Variants in UGT1A6 observed in about 807,000 individuals in gnomAD.
UGT1A6 encodes UDP-glucuronosyltransferase 1A6.
In UGT1A6, 32 loss-of-function variants were observed where a neutral mutation model predicts 44.4. That is an observed-to-expected ratio of 0.72 (90% confidence interval 0.54 to 0.97). The LOEUF is 0.97. UGT1A6 is among the 50% of genes least tolerant of loss of function. The pLI, the probability that UGT1A6 is intolerant of heterozygous loss-of-function variation, is 0.00. For synonymous variants in UGT1A6, 238 were observed against 248.5 expected (o/e 0.96, Z 0.40); for missense variants, 685 against 661.9 (o/e 1.03, Z -0.38).
chr2:233,741,097 A>C (rs1691564364), intron 1 of UGT1A6, among the ~76,000 whole-genome samples: 1 of 151,840 alleles, frequency 6.6e-6, no homozygotes, highest in South Asian at 2.1e-4. Flanking sequence ...ACAAGCAAAC[A>C]GACAATCAAG....
intron 1 of UGT1A6, among the ~76,000 whole-genome samples, chr2:233,695,609 A>G (rs1437584077): frequency 6.6e-6 from 1 of 151,892 alleles, no homozygotes; most frequent in Admixed American, 6.6e-5. Flanking sequence ...GTAATTACCA[A>G]TGAACTCTCT....
At chr2:233,719,356 A>T (rs751560022) in intron 1 of UGT1A6, 4 of 1,613,848 alleles carry the variant, frequency 2.5e-6, no homozygotes, top group Non-Finnish European at 3.4e-6. Context: ...ATTCCATGTG[A>T]CTTAGACTTT....
intron 1 of UGT1A6, chr2:233,722,133 T>G (rs1336404223): frequency 5.8e-6 from 1 of 172,564 alleles, no homozygotes; most frequent in Non-Finnish European, 1.2e-5. Flanking sequence ...TAGTAGAGTT[T>G]AAGACTCCTG....
chr2:233,764,530 T>C (rs572226432), intron 1 of UGT1A6, among the ~76,000 whole-genome samples: 7 of 152,338 alleles, frequency 4.6e-5, no homozygotes, highest in African/African-American at 1.7e-4. Flanking sequence ...ATCCTGCTGA[T>C]TGCTGAGTGG....
chr2:233,737,936 A>G (rs912128099), intron 1 of UGT1A6, among the ~76,000 whole-genome samples: 7 of 152,174 alleles, frequency 4.6e-5, no homozygotes, highest in Non-Finnish European at 8.8e-5. Flanking sequence ...TAGTGAGTCC[A>G]TTGACTGTTT....
intron 1 of UGT1A6, among the ~76,000 whole-genome samples, chr2:233,746,336 A>G (rs1235397882): frequency 1.3e-5 from 2 of 151,736 alleles, no homozygotes; most frequent in Non-Finnish European, 2.9e-5. Context: ...AGGGCAATGG[A>G]CATGTTTATG....
At chr2:233,750,201 G>A (rs967986418) in intron 1 of UGT1A6, among the ~76,000 whole-genome samples, 17 of 151,984 alleles carry the variant, frequency 1.1e-4, no homozygotes, top group African/African-American at 3.6e-4. Flanking sequence ...ATGAAGTCCA[G>A]GCTGAGTCTC....
intron 1 of UGT1A6, chr2:233,743,836 C>T (rs62191918): frequency 0.07 from 95,512 of 1,367,130 alleles, 4,650 homozygotes; most frequent in East Asian, 0.2. Context: ...GCCACTTGAG[C>T]GCCAGCTTGC....
In UGT1A6 at chr2:233,748,004, T is replaced by C. The variant is rs554173710; in HGVS notation, c.862-19030T>C. On this transcript the variant is annotated intron_variant, in intron 1 of 4. Coordinates refer to ENST00000305139, the MANE Select transcript of UGT1A6 (RefSeq NM_001072.4). ...TGTTCCGAGGGGACTTTGTGATGGATTACCCCAGGCCGATCATGCCCAACA... is the reference window on the plus strand; with the variant it reads ...TGTTCCGAGGGGACTTTGTGATGGACTACCCCAGGCCGATCATGCCCAACA... 1,894 of 1,613,440 alleles carry C rather than the reference T, an allele frequency of 1.2e-3. 7 individuals are homozygous for C. Among genetic ancestry groups the C allele is most frequent in the Non-Finnish European group, 1.4e-3 (1,636 of 1,179,848 alleles).
At chr2:233,762,731 G>A (rs574048851) in intron 1 of UGT1A6, among the ~76,000 whole-genome samples, 140 of 149,512 alleles carry the variant, frequency 9.4e-4, no homozygotes, top group African/African-American at 3.3e-3. Context: ...TTTTTTTTTG[G>A]TCACTACTGT....
chr2:233,723,213 C>CTT (rs201420005), intron 1 of UGT1A6, among the ~76,000 whole-genome samples: 4 of 88,884 alleles, frequency 4.5e-5, no homozygotes, highest in Non-Finnish European at 6.4e-5. Context: ...TCAAAACTGA[C>CTT]TTTTTTTTTT....
intron 1 of UGT1A6, chr2:233,708,654 G>A: frequency 6.6e-6 from 1 of 152,194 alleles, no homozygotes; most frequent in Non-Finnish European, 1.5e-5. Flanking sequence ...GGAAGGCTGA[G>A]GTGGGAGGAT....
At chr2:233,747,818 A>C in intron 1 of UGT1A6, 1 of 1,613,506 alleles carries the variant, frequency 6.2e-7, no homozygotes, top group Non-Finnish European at 8.5e-7. Flanking sequence ...CGACCAATTC[A>C]GACCACATGA....
intron 1 of UGT1A6, chr2:233,743,409 A>C: frequency 7.6e-7 from 1 of 1,312,950 alleles, no homozygotes; most frequent in South Asian, 1.2e-5. Flanking sequence ...AAAGGCCCCC[A>C]CTTCCCAGGG....
intron 1 of UGT1A6, among the ~76,000 whole-genome samples, chr2:233,702,315 T>G (rs2075680804): frequency 6.6e-6 from 1 of 152,230 alleles, no homozygotes; most frequent in Non-Finnish European, 1.5e-5. Context: ...ATCTTGTACT[T>G]CAACATTTCT....
chr2:233,754,865 T>G, intron 1 of UGT1A6: 2 of 1,351,074 alleles, frequency 1.5e-6, no homozygotes, highest in Non-Finnish European at 2.0e-6. Flanking sequence ...GTGCAGACCC[T>G]CTGCTTCTGC....
intron 1 of UGT1A6, among the ~76,000 whole-genome samples, chr2:233,736,837 T>TC (rs1251253473): frequency 1.3e-5 from 2 of 152,214 alleles, no homozygotes. Flanking sequence ...TGCTTTGGTA[T>TC]CACCAGTGGA....
intron 1 of UGT1A6, among the ~76,000 whole-genome samples, chr2:233,739,951 G>A (rs533176233): frequency 1.3e-5 from 2 of 151,940 alleles, no homozygotes; most frequent in East Asian, 1.9e-4. Context: ...TACCTGGTGG[G>A]AGCTGATTGA....
intron 1 of UGT1A6, among the ~76,000 whole-genome samples, chr2:233,759,225 G>A (rs984421918): frequency 4.6e-5 from 7 of 152,188 alleles, no homozygotes; most frequent in Admixed American, 2.0e-4. Context: ...TTATGCAAAT[G>A]AAGGATGGAA....
Sources: allele counts gnomAD v4.1 joint callset (sites outside exome capture counted in the v4.1 genomes callset), GRCh38; gene constraint gnomAD v4.1.1; transcripts MANE v1.5; gene names NCBI Gene and HGNC (gene_info 2026-07-23, HGNC 2026-07-21).